GCLM: variants seen among roughly 807,000 people sequenced by gnomAD.
GCLM encodes glutamate-cysteine ligase modifier subunit.
In GCLM, 15 loss-of-function variants were observed where a neutral mutation model predicts 36.0. That is an observed-to-expected ratio of 0.42 (90% CI 0.28 to 0.64). The LOEUF (loss-of-function observed/expected upper bound fraction) is 0.64, where lower values mean the gene tolerates loss of function less well. GCLM is among the 30% of genes least tolerant of loss of function. The pLI is 0.25. For synonymous variants in GCLM, 129 were observed against 122.8 expected (o/e 1.05, Z -0.34); for missense variants, 242 against 325.5 (o/e 0.74, Z 1.97).
chr1:93,890,140 C>G (rs1399784150), intron 6 of GCLM, among the ~76,000 whole-genome samples: 2 of 151,956 alleles, frequency 1.3e-5, no homozygotes, highest in Non-Finnish European at 2.9e-5. Flanking sequence ...GAACTCCTGA[C>G]CTCAGGTGAT....
intron 3 of GCLM, among the ~76,000 whole-genome samples, chr1:93,898,813 A>G (rs1185675265): frequency 6.6e-6 from 1 of 152,042 alleles, no homozygotes; most frequent in Non-Finnish European, 1.5e-5. Context: ...TTGTAGACAC[A>G]GGGTCTCGAT....
intron 4 of GCLM, among the ~76,000 whole-genome samples, chr1:93,897,402 T>A (rs954369758): frequency 3.9e-5 from 6 of 152,204 alleles, no homozygotes. Flanking sequence ...AAGAGCCAAT[T>A]ATTTAAGTTT....
intron 5 of GCLM, 109 bp from the exon 6 acceptor site, chr1:93,894,837 C>T (rs1196682920): frequency 1.6e-6 from 1 of 621,300 alleles, no homozygotes; most frequent in African/African-American, 1.9e-5. Context: ...TGAAAAATCA[C>T]AATCCACAGT....
intron 2 of GCLM, chr1:93,904,259 T>A (rs1657066650): frequency 1.5e-5 from 6 of 411,226 alleles, no homozygotes; most frequent in Non-Finnish European, 2.7e-5. Context: ...TAAACTGAAA[T>A]AAAACACTGA....
At position 93,896,626 on chromosome 1, in the gene GCLM, A is replaced by C. The variant is rs762363248; in HGVS notation, c.532T>G (p.Trp178Gly). ...DKTQLEQLYQ[W>G]AQVKPNSNQV... Reference sequence around the variant, plus strand: ...ATCCTGCCATCCCTCACCTGTGCCCACTGATACAGCTGTTCCAACTGTGTT... The same window carrying C: ...ATCCTGCCATCCCTCACCTGTGCCCCCTGATACAGCTGTTCCAACTGTGTT... The change falls in exon 5 of 7, where the codon TGG becomes GGG. Residue 178 changes from tryptophan (W) to glycine (G), a missense_variant. Physicochemically the swap from Trp to Gly is radical, Grantham distance 184. Transcript: ENST00000370238. The C allele has an allele frequency of 6.2e-7, 1 of 1,612,964 alleles. No individual in the cohort carries two copies.
intron 3 of GCLM, among the ~76,000 whole-genome samples, chr1:93,900,007 T>A (rs565419577): frequency 1.5e-4 from 17 of 112,352 alleles, no homozygotes; most frequent in Non-Finnish European, 2.6e-4. Context: ...TTACATAAAG[T>A]GCTGACATTC....
chr1:93,906,079 A>T lies in GCLM; in HGVS notation c.127-1491T>A, dbSNP rs937723230. Among the ~76,000 whole-genome samples, 16 of 152,234 alleles carry T rather than the reference A, an allele frequency of 1.1e-4. 1 individual carries two copies. Among genetic ancestry groups the T allele is most frequent in the Admixed American group, 5.2e-4 (8 of 15,290 alleles). On this transcript the variant is annotated intron_variant, in intron 1 of 6. Transcript: ENST00000370238. Reference sequence around the variant, plus strand: ...ATGACTGCTTATGATAAAAACTGATACAATCACTTTACTACGTATATCTTA... The same window carrying T: ...ATGACTGCTTATGATAAAAACTGATTCAATCACTTTACTACGTATATCTTA...
At position 93,885,939 on chromosome 1, in the gene GCLM, A is replaced by C. The variant is rs1479282437; in HGVS notation, c.*3051T>G. 1 of 152,148 alleles carries C rather than the reference A, an allele frequency of 6.6e-6. No homozygotes were observed. Among genetic ancestry groups the C allele is most frequent in the African/African-American group, 2.4e-5 (1 of 41,446 alleles). The allele number at this position is 152,148 out of a possible 1,614,324, so 9.4% of individuals were successfully genotyped here. A position where few individuals can be genotyped will look rare whatever the true frequency, so the allele number is the denominator to read the frequency against. On this transcript the variant is annotated 3_prime_UTR_variant, in exon 7 of 7. Coordinates refer to ENST00000370238, the MANE Select transcript of GCLM (RefSeq NM_002061.4). ...TGAACTATTCATGCAAAATAGAATA[A>C]TTTTTTATTTTCCATTTTATACATA... is the stretch of plus-strand genomic sequence containing the variant.
In GCLM at chr1:93,888,923, AT is replaced by A; in HGVS notation, c.*66del. ...GACACCATTTACAGGCAGTAACTAG[AT>A]TTTTACACATCTCAATTTTCTCTCA... On this transcript the variant is annotated 3_prime_UTR_variant, in exon 7 of 7. Coordinates refer to ENST00000370238, the MANE Select transcript of GCLM (RefSeq NM_002061.4). 9.0e-7 allele frequency: 1 copy of A among 1,114,784 alleles called. No homozygotes were observed. Among genetic ancestry groups the A allele is most frequent in the African/African-American group, 1.6e-5 (1 of 62,602 alleles). 69.1% of individuals were successfully genotyped at this position (1,114,784 alleles called of 1,614,324 possible).
intron 3 of GCLM, 46 bp from the exon 4 acceptor site, chr1:93,897,944 A>AC (rs1342926829): frequency 1.0e-6 from 1 of 957,774 alleles, no homozygotes; most frequent in Non-Finnish European, 1.6e-6. Flanking sequence ...TTGGATACAC[A>AC]TTTCACTATA....
chr1:93,904,512 A>T lies in GCLM; in HGVS notation c.192+11T>A. On this transcript the variant is annotated intron_variant, in intron 2 of 6. Transcript: ENST00000370238. ...TGACCTGCATGATTTTTGCATTCAC[A>T]TTTCACTTACCCTGACCAAATCTGG... is the stretch of plus-strand genomic sequence containing the variant. 1 of 1,571,088 alleles carries T rather than the reference A, an allele frequency of 6.4e-7. No individual in the cohort carries two copies. Among genetic ancestry groups the T allele is most frequent in the Middle Eastern group, 1.7e-4 (1 of 5,972 alleles).
chr1:93,907,175 T>C (rs1395057028), intron 1 of GCLM, among the ~76,000 whole-genome samples: 1 of 152,190 alleles, frequency 6.6e-6, no homozygotes, highest in South Asian at 2.1e-4. Flanking sequence ...AGAAACAAAA[T>C]GTGCCTCCCC....
chr1:93,898,174 T>G lies in GCLM; in HGVS notation c.278-276A>C, dbSNP rs1027401979. 5.3e-5 allele frequency among the ~76,000 whole-genome samples: 8 copies of G among 151,974 alleles called. No homozygotes were observed. The South Asian group carries it at 1.7e-3, about 31-fold the overall frequency. On this transcript the variant is annotated intron_variant, in intron 3 of 6. Transcript: ENST00000370238. The stretch of plus-strand genomic sequence containing the variant: ...TTTATTAGAAGGCAGGTTAGATAAC[T>G]ATTGGAGCTTAAATTACTTGAAATT...
intron 3 of GCLM, 102 bp downstream of exon 3, chr1:93,901,483 T>G: frequency 1.4e-6 from 1 of 730,652 alleles, no homozygotes; most frequent in South Asian, 1.6e-5. Flanking sequence ...TTTCTGTATT[T>G]CCCACATTTA....
intron 1 of GCLM, among the ~76,000 whole-genome samples, chr1:93,906,611 G>T (rs892210644): frequency 6.6e-6 from 1 of 152,126 alleles, no homozygotes; most frequent in East Asian, 1.9e-4. Flanking sequence ...TTACAATTAC[G>T]TAGGAAATTC....
intron 1 of GCLM, among the ~76,000 whole-genome samples, chr1:93,908,106 G>A (rs1201751256): frequency 6.6e-6 from 1 of 152,116 alleles, no homozygotes; most frequent in Non-Finnish European, 1.5e-5. Context: ...TGATGAGGAA[G>A]GTGTTATTAT....
At chr1:93,897,793 T>G (rs1656785986) in intron 4 of GCLM, 46 bp downstream of exon 4, 2 of 963,942 alleles carry the variant, frequency 2.1e-6, no homozygotes, top group Non-Finnish European at 3.2e-6. Context: ...ACACCTATAC[T>G]AATTTAAAGT....
chr1:93,898,315 A>AAAAAAAAAAAAAAAAAAAAAAAAAAAG (rs1656811974), intron 3 of GCLM, among the ~76,000 whole-genome samples: 1 of 146,834 alleles, frequency 6.8e-6, no homozygotes, highest in Non-Finnish European at 1.5e-5. Flanking sequence ...AAAAAAAAAA[A>AAAAAAAAAAAAAAAAAAAAAAAAAAAG]AAAAAAAAAA....
At chr1:93,899,315 C>T (rs1571202954) in intron 3 of GCLM, among the ~76,000 whole-genome samples, 1 of 152,102 alleles carries the variant, frequency 6.6e-6, no homozygotes, top group South Asian at 2.1e-4. Context: ...CTCAAGTGAT[C>T]CACCCGACTC....
Sources: allele counts gnomAD v4.1 joint callset (sites outside exome capture counted in the v4.1 genomes callset), GRCh38; gene constraint gnomAD v4.1.1; transcripts MANE v1.5; gene names NCBI Gene and HGNC (gene_info 2026-07-23, HGNC 2026-07-21).